The following IFI27L1 variants were observed in gnomAD, a reference collection of about 807,000 sequenced individuals.
IFI27L1 encodes the protein interferon alpha-inducible protein 27-like protein 1.
Under a neutral mutation model 9.2 loss-of-function variants are expected in IFI27L1, and 3 were observed. That is an observed-to-expected ratio of 0.32 (90% CI 0.15 to 0.84). IFI27L1 has a LOEUF of 0.84. IFI27L1 is among the 40% of genes least tolerant of loss of function. The pLI is 0.56. For synonymous variants in IFI27L1, 53 were observed against 50.0 expected, an observed-to-expected ratio of 1.06 and a Z score of -0.26; for missense variants, 133 against 134.2, an observed-to-expected ratio of 0.99 and a Z score of 0.05.
rs1050723897 is a variant in IFI27L1 at position 94,093,292 on chromosome 14, G to A, written c.-51-3595G>A. The stretch of plus-strand genomic sequence containing the variant: ...CGCCATTCTCCTGCCTCAGCCTCCC[G>A]AGTAGCTGGGACTACAGACACCCGC... On this transcript the variant is annotated intron_variant, in intron 1 of 4. Transcript: ENST00000555523. Among the ~76,000 whole-genome samples, 38 of 147,454 alleles carry A rather than the reference G, an allele frequency of 2.6e-4. No homozygotes were observed. In the East Asian group the frequency reaches 6.9e-3, roughly 27 times the overall value.
chr14:94,093,746 G>A (rs1325820373), intron 1 of IFI27L1, among the ~76,000 whole-genome samples: 2 of 139,138 alleles, frequency 1.4e-5, no homozygotes, highest in African/African-American at 2.8e-5. Flanking sequence ...TAGTAGATAT[G>A]TACTATTGTT....
At chr14:94,097,588 C>A in intron 2 of IFI27L1, 2 of 701,362 alleles carry the variant, frequency 2.9e-6, no homozygotes, top group South Asian at 3.0e-5. Context: ...TAGGAAGCTC[C>A]TCCAGTCATC....
chr14:94,096,919 C>G lies in IFI27L1; in HGVS notation c.-19C>G. On this transcript the variant is annotated 5_prime_UTR_variant, in exon 2 of 5. Coordinates refer to ENST00000555523, the MANE Select transcript of IFI27L1 (RefSeq NM_206949.3). ...TCCAAGAATCCGAGTGGAGGCTCAC[C>G]GAGGCGAAGGGGCCAACCATGGGAA... 6.2e-7 allele frequency: 1 copy of G among 1,612,456 alleles called. No homozygotes were observed. Among genetic ancestry groups the G allele is most frequent in the Admixed American group, 1.7e-5 (1 of 59,942 alleles).
chr14:94,086,132 T>C (rs1365268379), intron 1 of IFI27L1, among the ~76,000 whole-genome samples: 3 of 151,994 alleles, frequency 2.0e-5, no homozygotes, highest in Non-Finnish European at 4.4e-5. Flanking sequence ...TCATAATAAG[T>C]GAGCTCTCAC....
At chr14:94,088,308 G>A in intron 1 of IFI27L1, 1 of 702,320 alleles carries the variant, frequency 1.4e-6, no homozygotes, top group Non-Finnish European at 2.6e-6. Flanking sequence ...CAGAAGGTAA[G>A]TTTTCATTTT....
chr14:94,096,710 A>G (rs895156198), intron 1 of IFI27L1, 177 bp from the exon 2 acceptor site: 2 of 443,528 alleles, frequency 4.5e-6, no homozygotes, highest in East Asian at 6.8e-5. Context: ...AAAAAAAAAA[A>G]AAGGCTATGC....
rs996757893 is a variant in IFI27L1, at chr14:94,092,565, A to C, written c.-51-4322A>C. Among the ~76,000 whole-genome samples, 3 of 152,242 alleles carry C rather than the reference A, an allele frequency of 2.0e-5. No individual in the cohort carries two copies. The South Asian group carries it at 6.2e-4, about 32-fold the overall frequency. ...CTTTACAGACAAATCAATCTTAATC[A>C]GTTTGTCTATGAGGCAAGATTCTCA... On this transcript the variant is annotated intron_variant, in intron 1 of 4. Transcript: ENST00000555523.
chr14:94,090,558 A>G (rs1420278000), intron 1 of IFI27L1, among the ~76,000 whole-genome samples: 1 of 152,228 alleles, frequency 6.6e-6, no homozygotes, highest in African/African-American at 2.4e-5. Flanking sequence ...TTGGTAGCAG[A>G]TACCTACGAG....
intron 1 of IFI27L1, among the ~76,000 whole-genome samples, chr14:94,085,999 G>A (rs951115268): frequency 6.6e-6 from 1 of 152,170 alleles, no homozygotes. Context: ...GATATAGTTT[G>A]GATATTTGTC....
intron 2 of IFI27L1, 48 bp downstream of exon 2, chr14:94,097,013 AT>A: frequency 6.5e-7 from 1 of 1,532,482 alleles, no homozygotes; most frequent in Non-Finnish European, 8.9e-7. Context: ...TCCGAGGTGA[AT>A]GCACTTTGTG....
intron 1 of IFI27L1, among the ~76,000 whole-genome samples, chr14:94,092,703 C>T (rs1886523763): frequency 6.6e-6 from 1 of 152,042 alleles, no homozygotes; most frequent in African/African-American, 2.4e-5. Context: ...CTGAAGAATA[C>T]CTGATATGGT....
chr14:94,097,697 A>G, intron 2 of IFI27L1: 1 of 702,252 alleles, frequency 1.4e-6, no homozygotes, highest in Non-Finnish European at 2.6e-6. Context: ...GCATTCACGG[A>G]TAGATTGCTG....
chr14:94,082,501 G>A lies in IFI27L1; in HGVS notation c.-52+1052G>A, dbSNP rs139048783. On this transcript the variant is annotated intron_variant, in intron 1 of 4. Coordinates refer to ENST00000555523, the MANE Select transcript of IFI27L1 (RefSeq NM_206949.3). ...TCTATTGGAAGAAGACGCCATCAAG[G>A]ACTTTCATAGCTAGAGAGGTCAATG... is the stretch of plus-strand genomic sequence containing the variant. Among the ~76,000 whole-genome samples, 16 of 152,354 alleles carry A rather than the reference G, an allele frequency of 1.1e-4. No individual in the cohort carries two copies. The East Asian group carries it at 3.1e-3, about 29-fold the overall frequency.
At position 94,101,990 on chromosome 14, in the gene IFI27L1, C is replaced by T. The variant is rs1363960925; in HGVS notation, c.223+15C>T. The T allele has an allele frequency of 2.5e-6, 4 of 1,614,000 alleles. No homozygotes were observed. In the African/African-American group the frequency reaches 5.3e-5, roughly 22 times the overall value. On this transcript the variant is annotated intron_variant, in intron 4 of 4. Transcript: ENST00000555523. ...GCAGTCAGTGGGTGAGTGTTCTGGACAGGATGACCAGAGCCAGGAGATGAT... is the reference window on the plus strand; with the variant it reads ...GCAGTCAGTGGGTGAGTGTTCTGGATAGGATGACCAGAGCCAGGAGATGAT...
Position 94,102,601 on chromosome 14 carries a change from G to T in IFI27L1, c.*33G>T, listed in dbSNP as rs763367057. ...ACTGAGGCAGGGAGTTGGCTCTCTT[G>T]GTGGAGATGACTTTCCTGGGCCTCT... On this transcript the variant is annotated 3_prime_UTR_variant, in exon 5 of 5. Transcript: ENST00000555523. 1.5e-6 allele frequency: 2 copies of T among 1,321,998 alleles called. No individual in the cohort carries two copies. The highest frequency in any genetic ancestry group is 3.0e-5 in the African/African-American group (2 of 66,238). 81.9% of individuals were successfully genotyped at this position (1,321,998 alleles called of 1,614,324 possible).
chr14:94,102,537 GGGCCTGGCT>G lies in IFI27L1; in HGVS notation c.287_295del (p.Ala96_Leu98del). 1 of 1,584,650 alleles carries G rather than the reference GGGCCTGGCT, an allele frequency of 6.3e-7. No homozygotes were observed. Among genetic ancestry groups the G allele is most frequent in the South Asian group, 1.2e-5 (1 of 86,956 alleles). ...GGGGGCTTTGCTGGGACAGCTCTTG[GGGCCTGGCT>G]GGGTTCACCCCCTTCCAGCTGAACA... On this transcript the variant is annotated inframe_deletion, in exon 5 of 5. Coordinates refer to ENST00000555523, the MANE Select transcript of IFI27L1 (RefSeq NM_206949.3).
Position 94,102,590 on chromosome 14 carries a change from T to C in IFI27L1, c.*22T>C. ...CTGAACACCACACTGAGGCAGGGAGTTGGCTCTCTTGGTGGAGATGACTTT... is the reference window on the plus strand; with the variant it reads ...CTGAACACCACACTGAGGCAGGGAGCTGGCTCTCTTGGTGGAGATGACTTT... On this transcript the variant is annotated 3_prime_UTR_variant, in exon 5 of 5. Transcript: ENST00000555523. 7.1e-7 allele frequency: 1 copy of C among 1,404,766 alleles called. No individual in the cohort carries two copies. Among genetic ancestry groups the C allele is most frequent in the Non-Finnish European group, 9.5e-7 (1 of 1,047,476 alleles). 87.0% of individuals were successfully genotyped at this position (1,404,766 alleles called of 1,614,324 possible). A position where few individuals can be genotyped will look rare whatever the true frequency, so the allele number is the denominator to read the frequency against.
chr14:94,098,919 A>G (rs555342415), intron 2 of IFI27L1, among the ~76,000 whole-genome samples: 1 of 152,354 alleles, frequency 6.6e-6, no homozygotes, highest in Admixed American at 6.5e-5. Context: ...GTAACTGCTC[A>G]AGGTCATGCA....
chr14:94,089,027 G>GTTTTTTT (rs1886378970), intron 1 of IFI27L1: 1 of 151,922 alleles, frequency 6.6e-6, no homozygotes, highest in African/African-American at 2.4e-5. Context: ...TTGTTATTTT[G>GTTTTTTT]TTATTTTTAT....
Sources: gnomAD v4.1 joint callset for allele counts (sites outside exome capture counted in the v4.1 genomes callset) on GRCh38, gnomAD v4.1.1 for gene constraint, MANE v1.5 for transcripts, NCBI Gene and HGNC (gene_info 2026-07-23, HGNC 2026-07-21) for gene names.